SDK1: variants seen among roughly 807,000 people sequenced by gnomAD.
SDK1 encodes protein sidekick-1.
A neutral mutation model predicts 245.5 loss-of-function variants in SDK1; 157 were observed. That is an observed-to-expected ratio of 0.64 (90% confidence interval 0.56 to 0.73). SDK1 has a LOEUF of 0.73. Among genes scored for constraint, SDK1 ranks in the 30% least tolerant of loss-of-function variants. The pLI, the probability that SDK1 is intolerant of heterozygous loss-of-function variation, is 0.00. For synonymous variants in SDK1, 1,647 were observed against 1,278.5 expected (o/e 1.29, Z -6.15); for missense variants, 3,583 against 3,002.3 (o/e 1.19, Z -4.52).
intron 4 of SDK1, among the ~76,000 whole-genome samples, chr7:3,699,258 T>C (rs980748621): frequency 6.6e-6 from 1 of 152,098 alleles, no homozygotes; most frequent in African/African-American, 2.4e-5. Context: ...ATATCTCAAC[T>C]TGAATGAGGA....
chr7:3,876,220 C>T lies in SDK1; in HGVS notation c.847+54637C>T. ...AGTGAAGTAGGGTAGGGGCTGAACT[C>T]CCAGCATCCTGGCAACTTTGTTCAA... On this transcript the variant is annotated intron_variant, in intron 5 of 44. Coordinates refer to ENST00000404826, the MANE Select transcript of SDK1 (RefSeq NM_152744.4). Among the ~76,000 whole-genome samples the T allele has an allele frequency of 1.3e-5, 2 of 152,180 alleles. 1 individual carries two copies. Among genetic ancestry groups the T allele is most frequent in the South Asian group, 4.1e-4 (2 of 4,828 alleles).
In SDK1 at chr7:3,725,533, A is replaced by G. The variant is rs112582201; in HGVS notation, c.713+83428A>G. ...TTAAGAGAATATTAATGCTATCAAT[A>G]CAGTTACTATTATTCCAGCACCTTT... On this transcript the variant is annotated intron_variant, in intron 4 of 44. Transcript: ENST00000404826. 3.8e-3 allele frequency among the ~76,000 whole-genome samples: 585 copies of G among 152,326 alleles called. 9 individuals carry two copies. Among genetic ancestry groups the G allele is most frequent in the African/African-American group, 0.013 (548 of 41,584 alleles).
chr7:3,766,080 C>A (rs896873925), intron 4 of SDK1, among the ~76,000 whole-genome samples: 1 of 152,258 alleles, frequency 6.6e-6, no homozygotes, highest in African/African-American at 2.4e-5. Context: ...CAAGAGATGA[C>A]ATTTCTGGCC....
chr7:3,326,132 G>T (rs1161616178), intron 1 of SDK1, among the ~76,000 whole-genome samples: 4 of 152,206 alleles, frequency 2.6e-5, no homozygotes, highest in Non-Finnish European at 4.4e-5. Flanking sequence ...TTATAAAAAT[G>T]ATACTCGTTC....
chr7:3,420,153 T>C (rs963328148), intron 1 of SDK1, among the ~76,000 whole-genome samples: 1 of 152,206 alleles, frequency 6.6e-6, no homozygotes, highest in Admixed American at 6.5e-5. Context: ...TAATATTCAA[T>C]GTGGTGTCCT....
intron 1 of SDK1, among the ~76,000 whole-genome samples, chr7:3,565,361 G>T (rs1309762991): frequency 6.6e-6 from 1 of 152,146 alleles, no homozygotes; most frequent in East Asian, 1.9e-4. Flanking sequence ...TGGAGTTTGA[G>T]AGATGCACTA....
intron 15 of SDK1, among the ~76,000 whole-genome samples, chr7:4,011,754 C>G: frequency 6.6e-6 from 1 of 152,170 alleles, no homozygotes; most frequent in Middle Eastern, 3.4e-3. Flanking sequence ...TTGAAAGAGC[C>G]GGAGAAAACA....
At chr7:3,955,178 G>A (rs1276029797) in intron 7 of SDK1, among the ~76,000 whole-genome samples, 3 of 152,174 alleles carry the variant, frequency 2.0e-5, no homozygotes, top group Non-Finnish European at 4.4e-5. Flanking sequence ...TTTACCTGGT[G>A]GGGCATCTGC....
At chr7:3,655,485 A>ATGTATGTATGTATGTATGTATG (rs1443267233) in intron 4 of SDK1, among the ~76,000 whole-genome samples, 7 of 67,814 alleles carry the variant, frequency 1.0e-4, no homozygotes, top group African/African-American at 3.3e-4. Flanking sequence ...ATATATATAT[A>ATGTATGTATGTATGTATGTATG]TATATATATA....
At chr7:3,695,987 G>C (rs182595699) in intron 4 of SDK1, among the ~76,000 whole-genome samples, 1 of 151,942 alleles carries the variant, frequency 6.6e-6, no homozygotes, top group African/African-American at 2.4e-5. Context: ...CTTCTTTTTT[G>C]CTTTCCTCCC....
chr7:4,117,217 C>T (rs1290744219), intron 25 of SDK1, among the ~76,000 whole-genome samples: 5 of 152,212 alleles, frequency 3.3e-5, no homozygotes, highest in African/African-American at 7.2e-5. Context: ...CCTGTAATCC[C>T]AGCACTTTGG....
intron 1 of SDK1, among the ~76,000 whole-genome samples, chr7:3,382,688 T>A (rs948014189): frequency 5.9e-5 from 9 of 152,224 alleles, no homozygotes; most frequent in African/African-American, 1.9e-4. Flanking sequence ...TGCTTTTTCC[T>A]ATGTTGGCAA....
intron 4 of SDK1, among the ~76,000 whole-genome samples, chr7:3,813,130 C>T (rs1373571664): frequency 1.3e-5 from 2 of 151,366 alleles, no homozygotes; most frequent in South Asian, 2.1e-4. Context: ...TTTTATTATA[C>T]TTTAAGTTTT....
At chr7:3,421,044 T>G (rs1779520724) in intron 1 of SDK1, among the ~76,000 whole-genome samples, 1 of 151,884 alleles carries the variant, frequency 6.6e-6, no homozygotes, top group African/African-American at 2.4e-5. Context: ...AAGAGTAAAT[T>G]AAAGCTTTTA....
At chr7:3,693,855 C>T (rs1304981339) in intron 4 of SDK1, among the ~76,000 whole-genome samples, 7 of 152,048 alleles carry the variant, frequency 4.6e-5, no homozygotes, top group African/African-American at 9.7e-5. Context: ...ACCTGGTCCC[C>T]GCAGCCATCT....
chr7:4,219,592 C>T (rs893255418), intron 38 of SDK1, among the ~76,000 whole-genome samples: 1 of 152,138 alleles, frequency 6.6e-6, no homozygotes, highest in Non-Finnish European at 1.5e-5. Flanking sequence ...CTCCCCCAGG[C>T]CCCACCTTGA....
chr7:3,622,166 A>G (rs1388034386), intron 2 of SDK1, among the ~76,000 whole-genome samples: 2 of 152,158 alleles, frequency 1.3e-5, no homozygotes, highest in African/African-American at 4.8e-5. Flanking sequence ...TCATAAGGCT[A>G]GCAGCATTTC....
At chr7:3,819,384 C>A (rs141029308) in intron 4 of SDK1, among the ~76,000 whole-genome samples, 1 of 151,254 alleles carries the variant, frequency 6.6e-6, no homozygotes, top group Non-Finnish European at 1.5e-5. Flanking sequence ...GAAATAATGC[C>A]GTAAATAATA....
intron 1 of SDK1, among the ~76,000 whole-genome samples, chr7:3,541,723 C>T (rs1177038652): frequency 6.6e-6 from 1 of 152,122 alleles, no homozygotes; most frequent in Non-Finnish European, 1.5e-5. Flanking sequence ...GGGAGCTTTT[C>T]AGTAACTGAT....
Sources: gnomAD v4.1 joint callset for allele counts (sites outside exome capture counted in the v4.1 genomes callset) on GRCh38, gnomAD v4.1.1 for gene constraint, MANE v1.5 for transcripts, NCBI Gene and HGNC (gene_info 2026-07-23, HGNC 2026-07-21) for gene names.